Variants in DBF4B observed in about 807,000 individuals in gnomAD.
The protein encoded by DBF4B is DBF4B-CDC7 kinase regulatory subunit, also known as protein DBF4 homolog B.
In DBF4B, 49 loss-of-function variants were observed where a neutral mutation model predicts 53.4. The observed-to-expected ratio is 0.92, with a 90% CI of 0.73 to 1.16. DBF4B has a LOEUF of 1.16. Among genes scored for constraint, DBF4B ranks in the 50% most tolerant of loss-of-function variants. The probability of loss-of-function intolerance (pLI) is 0.00; values close to 1 mark genes in which losing one functional copy is unlikely to be tolerated. For missense variants in DBF4B, 692 were observed against 775.0 expected (o/e 0.89, Z 1.27); for synonymous variants, 257 against 288.7 (o/e 0.89, Z 1.11).
chr17:44,712,231 A>G (rs1300655523), intron 2 of DBF4B, among the ~76,000 whole-genome samples: 4 of 151,722 alleles, frequency 2.6e-5, no homozygotes, highest in Non-Finnish European at 5.9e-5. Context: ...TTCTTCTAGA[A>G]GCTACCACCT....
At chr17:44,711,356 G>C (rs1028817820) in intron 2 of DBF4B, among the ~76,000 whole-genome samples, 1 of 151,888 alleles carries the variant, frequency 6.6e-6, no homozygotes, top group Admixed American at 6.6e-5. Context: ...TGTTACCCAG[G>C]CTAGAGTACA....
Position 44,741,483 on chromosome 17 carries a change from G to T in DBF4B, c.830+31G>T, listed in dbSNP as rs754888443. ...TCTTTCTGGTTCCTGAGTACCAAGG[G>T]CTGGTTACAGGCCAAAGTCCTCCCC... On this transcript the variant is annotated intron_variant, in intron 10 of 13. Coordinates refer to ENST00000315005, the MANE Select transcript of DBF4B (RefSeq NM_145663.3). 10 of 1,475,554 alleles carry T rather than the reference G, an allele frequency of 6.8e-6. No homozygotes were observed. The South Asian group carries it at 1.3e-4, about 19-fold the overall frequency. 91.4% of individuals were successfully genotyped at this position (1,475,554 alleles called of 1,614,324 possible).
chr17:44,715,328 G>A (rs1973229558), intron 2 of DBF4B, among the ~76,000 whole-genome samples: 1 of 152,066 alleles, frequency 6.6e-6, no homozygotes, highest in South Asian at 2.1e-4. Flanking sequence ...AGCCTCCTAA[G>A]TAGCTGGGAT....
chr17:44,723,385 G>A (rs996621811), intron 3 of DBF4B, among the ~76,000 whole-genome samples: 4 of 152,104 alleles, frequency 2.6e-5, no homozygotes, highest in Admixed American at 6.6e-5. Flanking sequence ...GATTACAGGC[G>A]TGAGCCACCA....
chr17:44,737,835 A>G (rs1975610474), intron 8 of DBF4B, among the ~76,000 whole-genome samples: 1 of 152,174 alleles, frequency 6.6e-6, no homozygotes, highest in Admixed American at 6.6e-5. Flanking sequence ...TAATAAGACC[A>G]CTAAACACTC....
intron 1 of DBF4B, among the ~76,000 whole-genome samples, 178 bp from the exon 2 acceptor site, chr17:44,709,126 G>A (rs1167252919): frequency 6.6e-6 from 1 of 152,148 alleles, no homozygotes; most frequent in Non-Finnish European, 1.5e-5. Flanking sequence ...AGGAGGCGGA[G>A]GGCATGAGGG....
chr17:44,752,245 A>C lies in DBF4B; in HGVS notation c.*992A>C. ...GATGATTTCAGGACCCTTTCCAATA[A>C]TAAAATACTGTGACTGCCAGCAAAT... On this transcript the variant is annotated 3_prime_UTR_variant, in exon 14 of 14. Coordinates refer to ENST00000315005, the MANE Select transcript of DBF4B (RefSeq NM_145663.3). The C allele has an allele frequency of 2.2e-6, 1 of 457,782 alleles. No individual in the cohort carries two copies. The highest frequency in any genetic ancestry group is 4.0e-6 in the Non-Finnish European group (1 of 249,408). 28.4% of individuals were successfully genotyped at this position (457,782 alleles called of 1,614,324 possible). A position where few individuals can be genotyped will look rare whatever the true frequency, so the allele number is the denominator to read the frequency against.
chr17:44,717,948 C>T (rs1973472303), intron 2 of DBF4B, among the ~76,000 whole-genome samples: 1 of 151,494 alleles, frequency 6.6e-6, no homozygotes, highest in Non-Finnish European at 1.5e-5. Flanking sequence ...ATCCCTTGAG[C>T]CCAGGAGGTC....
intron 2 of DBF4B, 36 bp from the exon 3 acceptor site, chr17:44,722,844 A>T (rs1973967096): frequency 6.2e-7 from 1 of 1,610,696 alleles, no homozygotes; most frequent in Non-Finnish European, 8.5e-7. Flanking sequence ...CTCTCTTTTC[A>T]AACTTCTTAC....
chr17:44,747,492 C>A lies in DBF4B; in HGVS notation c.1041C>A (p.Ile347=). 1.9e-6 allele frequency: 3 copies of A among 1,614,064 alleles called. No homozygotes were observed. Among genetic ancestry groups the A allele is most frequent in the Non-Finnish European group, 2.5e-6 (3 of 1,180,034 alleles). Residue 347 remains isoleucine, a synonymous_variant, in exon 12 of 14, where the codon ATC becomes ATA. Coordinates refer to ENST00000315005, the MANE Select transcript of DBF4B (RefSeq NM_145663.3). ...IAQLSHSFAD[I]PFQAGLPRWS... ...AGCTCAGCCACAGCTTTGCAGACATCCCTTTCCAGGCTGGCCTCCCCAGGT... is the reference window on the plus strand; with the variant it reads ...AGCTCAGCCACAGCTTTGCAGACATACCTTTCCAGGCTGGCCTCCCCAGGT...
chr17:44,750,391 G>C (rs956934094), intron 13 of DBF4B: 3 of 985,324 alleles, frequency 3.0e-6, no homozygotes, highest in South Asian at 4.7e-5. Flanking sequence ...AAGAAGGGGG[G>C]GCCCAGCTAT....
intron 10 of DBF4B, among the ~76,000 whole-genome samples, chr17:44,742,063 C>T (rs1976091933): frequency 6.9e-6 from 1 of 144,900 alleles, no homozygotes; most frequent in Non-Finnish European, 1.5e-5. Context: ...CTTGGGCACA[C>T]AAACATAGCA....
chr17:44,748,855 T>A, intron 13 of DBF4B: 3 of 1,291,106 alleles, frequency 2.3e-6, no homozygotes, highest in Non-Finnish European at 3.0e-6. Context: ...AGGCCATGAG[T>A]CCAGGCTCCT....
intron 2 of DBF4B, among the ~76,000 whole-genome samples, chr17:44,715,154 T>G (rs975585451): frequency 1.3e-5 from 2 of 152,082 alleles, no homozygotes; most frequent in African/African-American, 4.8e-5. Flanking sequence ...CTTTTATTGT[T>G]TGGATATTAG....
intron 9 of DBF4B, 88 bp from the exon 10 acceptor site, chr17:44,741,248 G>A (rs1975992218): frequency 1.1e-6 from 1 of 915,038 alleles, no homozygotes; most frequent in Non-Finnish European, 1.8e-6. Flanking sequence ...ACTTTATCAG[G>A]GCTGGAATTC....
intron 10 of DBF4B, among the ~76,000 whole-genome samples, chr17:44,743,714 G>A (rs572022445): frequency 4.0e-5 from 6 of 150,150 alleles, no homozygotes; most frequent in East Asian, 2.0e-4. Flanking sequence ...AGGTTCACGC[G>A]ATTCTCCTCC....
rs188198587 is a variant in DBF4B, at chr17:44,749,476, C to G, written c.1189+1011C>G. ...TCCCCAAAAGAGCTAGAAGGAGGCC[C>G]GGGCCTGGCCTTTGAAGTCCAGCAA... On this transcript the variant is annotated intron_variant, in intron 13 of 13. Transcript: ENST00000315005. The surrounding 1 kb of genome is among the most constrained non-coding windows in gnomAD (Gnocchi z 4.4). The G allele has an allele frequency of 8.6e-6, 11 of 1,285,648 alleles. No homozygotes were observed. The highest frequency in any genetic ancestry group is 1.5e-5 in the African/African-American group (1 of 65,774). The allele number at this position is 1,285,648 out of a possible 1,614,324, so 79.6% of individuals were successfully genotyped here.
At chr17:44,742,493 A>G (rs1389316946) in intron 10 of DBF4B, among the ~76,000 whole-genome samples, 1 of 152,070 alleles carries the variant, frequency 6.6e-6, no homozygotes, top group Non-Finnish European at 1.5e-5. Flanking sequence ...AGGCAGGACA[A>G]TCATTTGAGC....
chr17:44,747,333 G>A (rs944273932), intron 11 of DBF4B, 58 bp from the exon 12 acceptor site: 42 of 1,606,978 alleles, frequency 2.6e-5, no homozygotes, highest in South Asian at 2.2e-4. Context: ...GTCAGCTTCC[G>A]TGTCCCCCTC....
Sources: allele counts gnomAD v4.1 joint callset (sites outside exome capture counted in the v4.1 genomes callset), GRCh38; gene constraint gnomAD v4.1.1; non-coding constraint Gnocchi (gnomAD v3.1); transcripts MANE v1.5; gene names NCBI Gene and HGNC (gene_info 2026-07-23, HGNC 2026-07-21).